DLGAP2: variants seen among roughly 807,000 people sequenced by gnomAD.
DLGAP2 encodes DLG associated protein 2.
A neutral mutation model predicts 100.3 loss-of-function variants in DLGAP2; 26 were observed. The ratio of observed to expected loss-of-function variants is 0.26; its 90% confidence interval spans 0.19 to 0.36. The LOEUF (loss-of-function observed/expected upper bound fraction) is 0.36. Ranked by LOEUF, DLGAP2 falls within the 10% of genes least tolerant of loss-of-function variation. The probability of loss-of-function intolerance (pLI) is 1.00; values close to 1 mark genes in which losing one functional copy is unlikely to be tolerated. For synonymous variants in DLGAP2, 886 were observed against 630.1 expected, an observed-to-expected ratio of 1.41 and a Z score of -6.08; for missense variants, 1,858 against 1,453.2, an observed-to-expected ratio of 1.28 and a Z score of -4.53.
At chr8:744,231 C>T (rs985646054) in intron 1 of DLGAP2, among the ~76,000 whole-genome samples, 2 of 152,158 alleles carry the variant, frequency 1.3e-5, no homozygotes, top group South Asian at 2.1e-4. Context: ...CATATACCCC[C>T]GACCCACGAG....
chr8:1,139,283 A>G (rs1016996394), intron 2 of DLGAP2, among the ~76,000 whole-genome samples: 1 of 152,186 alleles, frequency 6.6e-6, no homozygotes, highest in Non-Finnish European at 1.5e-5. Flanking sequence ...TTATCTTACA[A>G]AATCAGGTCA....
intron 1 of DLGAP2, among the ~76,000 whole-genome samples, chr8:783,939 G>C (rs1480757670): frequency 6.6e-6 from 1 of 152,164 alleles, no homozygotes. Flanking sequence ...CTAATTCTTA[G>C]GAGTAATTGT....
intron 8 of DLGAP2, among the ~76,000 whole-genome samples, chr8:1,640,100 C>T (rs1797861532): frequency 1.3e-5 from 2 of 152,226 alleles, no homozygotes; most frequent in African/African-American, 4.8e-5. Flanking sequence ...GAGGTCTTCT[C>T]TGAAACCGAG....
intron 2 of DLGAP2, among the ~76,000 whole-genome samples, chr8:1,242,682 A>C (rs1798823370): frequency 6.6e-6 from 1 of 152,142 alleles, no homozygotes; most frequent in East Asian, 1.9e-4. Context: ...TCTCCTCCTT[A>C]ATGGTAAGGG....
At chr8:788,621 T>A (rs1821943251) in intron 1 of DLGAP2, among the ~76,000 whole-genome samples, 1 of 152,218 alleles carries the variant, frequency 6.6e-6, no homozygotes, top group Non-Finnish European at 1.5e-5. Context: ...TATCTCAGCT[T>A]GGAAAAAAGT....
chr8:946,901 G>A (rs967347107), intron 2 of DLGAP2, among the ~76,000 whole-genome samples: 3 of 152,180 alleles, frequency 2.0e-5, no homozygotes, highest in African/African-American at 4.8e-5. Context: ...TGTGCATAAA[G>A]CAGGAGGAAA....
intron 3 of DLGAP2, among the ~76,000 whole-genome samples, chr8:1,372,279 G>T (rs556372363): frequency 2.0e-5 from 3 of 151,556 alleles, no homozygotes; most frequent in South Asian, 4.2e-4. Flanking sequence ...ACGCTGGGAC[G>T]CTGGTCACCG....
intron 1 of DLGAP2, among the ~76,000 whole-genome samples, chr8:813,683 T>A (rs543904590): frequency 6.6e-6 from 1 of 152,308 alleles, no homozygotes; most frequent in South Asian, 2.1e-4. Context: ...TCTGCTGAAC[T>A]TTTTGTCTCT....
chr8:1,008,317 C>T (rs1801179282), intron 2 of DLGAP2, among the ~76,000 whole-genome samples: 1 of 152,218 alleles, frequency 6.6e-6, no homozygotes, highest in African/African-American at 2.4e-5. Flanking sequence ...GCTTTGTTTA[C>T]CTTCCTTTGC....
At chr8:1,347,126 G>A (rs1436178831) in intron 3 of DLGAP2, among the ~76,000 whole-genome samples, 1 of 152,132 alleles carries the variant, frequency 6.6e-6, no homozygotes, top group Admixed American at 6.5e-5. Flanking sequence ...ACACAGAGCT[G>A]CATTGCTCTC....
At chr8:985,512 G>C (rs1800460990) in intron 2 of DLGAP2, among the ~76,000 whole-genome samples, 1 of 152,202 alleles carries the variant, frequency 6.6e-6, no homozygotes, top group African/African-American at 2.4e-5. Flanking sequence ...TTCACCAGTT[G>C]CTTAGCAAGT....
chr8:1,527,156 C>T (rs1800822799), intron 4 of DLGAP2, among the ~76,000 whole-genome samples: 1 of 152,278 alleles, frequency 6.6e-6, no homozygotes, highest in African/African-American at 2.4e-5. Context: ...CAACCCTCTC[C>T]TGTGAGTTCA....
At chr8:957,187 G>A (rs1438870817) in intron 2 of DLGAP2, among the ~76,000 whole-genome samples, 3 of 152,228 alleles carry the variant, frequency 2.0e-5, no homozygotes, top group African/African-American at 4.8e-5. Flanking sequence ...CCTGGCATAG[G>A]ATGGATAACG....
chr8:1,633,150 C>T (rs756628620), intron 8 of DLGAP2, 104 bp downstream of exon 8: 2 of 1,072,542 alleles, frequency 1.9e-6, no homozygotes, highest in South Asian at 1.5e-5. Context: ...ACAATGTACT[C>T]TCCTGACATC....
At chr8:805,000 G>A (rs1413988920) in intron 1 of DLGAP2, among the ~76,000 whole-genome samples, 1 of 152,108 alleles carries the variant, frequency 6.6e-6, no homozygotes, top group Non-Finnish European at 1.5e-5. Context: ...TGGATTCCCA[G>A]GCTCAAGTGA....
At chr8:1,677,812 C>T (rs1248649857) in intron 11 of DLGAP2, among the ~76,000 whole-genome samples, 1 of 152,194 alleles carries the variant, frequency 6.6e-6, no homozygotes, top group African/African-American at 2.4e-5. Context: ...AATTTGGAAG[C>T]CACTACAACT....
intron 2 of DLGAP2, among the ~76,000 whole-genome samples, chr8:1,107,811 C>G (rs946008722): frequency 6.6e-6 from 1 of 152,204 alleles, no homozygotes; most frequent in East Asian, 1.9e-4. Flanking sequence ...TGTTTCCACA[C>G]CCATGTTGCA....
At chr8:1,431,377 G>A (rs894763562) in intron 3 of DLGAP2, among the ~76,000 whole-genome samples, 6 of 152,224 alleles carry the variant, frequency 3.9e-5, no homozygotes, top group South Asian at 2.1e-4. Flanking sequence ...TTGACTGCAC[G>A]TCTGATCCAT....
intron 2 of DLGAP2, among the ~76,000 whole-genome samples, chr8:1,087,705 A>T (rs529637355): frequency 6.6e-6 from 1 of 152,310 alleles, no homozygotes; most frequent in Admixed American, 6.5e-5. Flanking sequence ...CCAAATTGTC[A>T]GAGCCTCCTT....
Sources: gnomAD v4.1 joint callset for allele counts (sites outside exome capture counted in the v4.1 genomes callset) on GRCh38, gnomAD v4.1.1 for gene constraint, MANE v1.5 for transcripts, NCBI Gene and HGNC (gene_info 2026-07-23, HGNC 2026-07-21) for gene names.